The following ANXA4 variants were observed in gnomAD, a reference collection of about 807,000 sequenced individuals.
ANXA4 encodes 35-beta calcimedin.
ANXA4 carries 39 observed loss-of-function variants against 49.8 expected under a neutral mutation model. That is an observed-to-expected ratio of 0.78 (90% CI 0.61 to 1.02). The LOEUF is 1.02. Among genes scored for constraint, ANXA4 ranks in the 50% least tolerant of loss-of-function variants. ANXA4 has a pLI of 0.00. For missense variants in ANXA4, 360 were observed against 410.1 expected (o/e 0.88, Z 1.05); for synonymous variants, 134 against 152.5 (o/e 0.88, Z 0.89).
chr2:69,779,301 T>C (rs1484229752), intron 1 of ANXA4, among the ~76,000 whole-genome samples: 3 of 152,162 alleles, frequency 2.0e-5, no homozygotes, highest in Non-Finnish European at 4.4e-5. Flanking sequence ...AAATGTGTCG[T>C]CTATCTCTCC....
intron 6 of ANXA4, chr2:69,808,216 C>T (rs1207782040): frequency 1.9e-6 from 1 of 516,428 alleles, no homozygotes; most frequent in East Asian, 3.4e-5. Context: ...ATTTTGCCTA[C>T]CCAGTGCAGT....
intron 1 of ANXA4, among the ~76,000 whole-genome samples, chr2:69,778,017 C>G (rs1317224189): frequency 1.3e-5 from 2 of 152,156 alleles, no homozygotes; most frequent in Non-Finnish European, 2.9e-5. Context: ...TGTGACTGTT[C>G]CAATAAGTCT....
rs76897538 is a variant in ANXA4, at chr2:69,719,924, C to T, written n.767-850C>T. On this transcript the variant is annotated intron_variant and non_coding_transcript_variant, in intron 2 of 3. Transcript: ENST00000418066. ...TACAGACATCAGTCACTGTGCCTGGCGAAGTCTTTACCAATTGGCAATAAG... is the reference window on the plus strand; with the variant it reads ...TACAGACATCAGTCACTGTGCCTGGTGAAGTCTTTACCAATTGGCAATAAG... Among the ~76,000 whole-genome samples, 164 of 152,192 alleles carry T rather than the reference C, an allele frequency of 1.1e-3. 1 individual carries two copies. The highest frequency in any genetic ancestry group is 2.0e-3 in the Non-Finnish European group (137 of 68,018).
intron 1 of ANXA4, among the ~76,000 whole-genome samples, chr2:69,764,826 C>G (rs1671435341): frequency 6.6e-6 from 1 of 152,164 alleles, no homozygotes; most frequent in African/African-American, 2.4e-5. Context: ...AACTGAAACT[C>G]TGTACTATTT....
intron 2 of ANXA4, among the ~76,000 whole-genome samples, chr2:69,782,449 C>T (rs1672236471): frequency 6.6e-6 from 1 of 152,154 alleles, no homozygotes; most frequent in Non-Finnish European, 1.5e-5. Context: ...ATCTCTCATG[C>T]TTTAGTTTAA....
intron 2 of ANXA4, among the ~76,000 whole-genome samples, chr2:69,686,118 C>T (rs1236852641): frequency 6.6e-6 from 1 of 152,050 alleles, no homozygotes; most frequent in Non-Finnish European, 1.5e-5. Context: ...TAATTGTAGG[C>T]TTATGTAATT....
chr2:69,657,155 C>T (rs1440307485), intron 2 of ANXA4, among the ~76,000 whole-genome samples: 2 of 151,958 alleles, frequency 1.3e-5, no homozygotes, highest in Admixed American at 1.3e-4. Context: ...CCACCATGCC[C>T]AGCTAATTTT....
chr2:69,671,979 C>T (rs1460031254), intron 2 of ANXA4, among the ~76,000 whole-genome samples: 1 of 152,148 alleles, frequency 6.6e-6, no homozygotes, highest in African/African-American at 2.4e-5. Context: ...AACCTTATGA[C>T]TCAGTGATTC....
chr2:69,750,284 C>T (rs1342153687), intron 1 of ANXA4, among the ~76,000 whole-genome samples: 1 of 152,172 alleles, frequency 6.6e-6, no homozygotes, highest in Non-Finnish European at 1.5e-5. Flanking sequence ...ATGCAAGTAT[C>T]CTTCAGTTTC....
At chr2:69,680,838 T>A (rs1396034415) in intron 2 of ANXA4, among the ~76,000 whole-genome samples, 1 of 152,174 alleles carries the variant, frequency 6.6e-6, no homozygotes, top group Non-Finnish European at 1.5e-5. Context: ...CATCCTTACA[T>A]CCCTGAGATA....
chr2:69,786,899 T>A (rs1194984643), intron 2 of ANXA4, among the ~76,000 whole-genome samples: 1 of 152,058 alleles, frequency 6.6e-6, no homozygotes, highest in African/African-American at 2.4e-5. Context: ...TTTTTTTGTA[T>A]GTTTTTGTAG....
intron 1 of ANXA4, among the ~76,000 whole-genome samples, chr2:69,762,207 T>C (rs1441251765): frequency 1.3e-5 from 2 of 152,082 alleles, no homozygotes; most frequent in African/African-American, 4.8e-5. Context: ...CATATTGGGG[T>C]ATAGAGACAG....
At chr2:69,644,997 A>G (rs1675949045) in intron 1 of ANXA4, 1 of 152,074 alleles carries the variant, frequency 6.6e-6, no homozygotes. Context: ...AAAACCTACC[A>G]TGATTTATTA....
At chr2:69,664,923 C>G (rs1380608832) in intron 2 of ANXA4, among the ~76,000 whole-genome samples, 1 of 151,984 alleles carries the variant, frequency 6.6e-6, no homozygotes, top group Non-Finnish European at 1.5e-5. Flanking sequence ...GCCAACACGG[C>G]AAAACCCCGT....
At chr2:69,732,178 C>T (rs1043414086) in intron 3 of ANXA4, among the ~76,000 whole-genome samples, 2 of 151,346 alleles carry the variant, frequency 1.3e-5, no homozygotes, top group Admixed American at 6.6e-5. Flanking sequence ...GGGGTTTCAC[C>T]GTGTTAGCCA....
chr2:69,649,280 G>A (rs1359606496), intron 1 of ANXA4, among the ~76,000 whole-genome samples: 1 of 152,064 alleles, frequency 6.6e-6, no homozygotes, highest in African/African-American at 2.4e-5. Flanking sequence ...GCTCATTGAA[G>A]AAAGTAGATA....
chr2:69,693,031 A>G (rs986706984), intron 2 of ANXA4, among the ~76,000 whole-genome samples: 2 of 152,158 alleles, frequency 1.3e-5, no homozygotes, highest in African/African-American at 4.8e-5. Flanking sequence ...ATAATGCCCA[A>G]TTTAGGAAAC....
chr2:69,765,313 AC>A (rs1407361889), intron 1 of ANXA4, among the ~76,000 whole-genome samples: 1 of 152,158 alleles, frequency 6.6e-6, no homozygotes, highest in Non-Finnish European at 1.5e-5. Flanking sequence ...TACTGTTTTT[AC>A]GGTGGCTGTA....
chr2:69,730,637 A>G (rs888775309), intron 3 of ANXA4, among the ~76,000 whole-genome samples: 7 of 152,226 alleles, frequency 4.6e-5, no homozygotes, highest in Non-Finnish European at 1.0e-4. Context: ...GCCTGCCTCC[A>G]CATGGCCCCT....
Sources: allele counts gnomAD v4.1 joint callset (sites outside exome capture counted in the v4.1 genomes callset), GRCh38; gene constraint gnomAD v4.1.1; transcripts MANE v1.5; gene names NCBI Gene and HGNC (gene_info 2026-07-23, HGNC 2026-07-21).